Variants in ZNF875 observed in about 807,000 individuals in gnomAD.
ZNF875 encodes zinc finger protein 875.
A neutral mutation model predicts 11.2 loss-of-function variants in ZNF875; 14 were observed. The observed-to-expected ratio is 1.26, with a 90% CI of 0.83 to 1.96. ZNF875 has a LOEUF of 1.96. ZNF875 is among the 30% of genes most tolerant of loss of function. The probability of loss-of-function intolerance (pLI) is 0.00; values close to 1 mark genes in which losing one functional copy is unlikely to be tolerated. For synonymous variants in ZNF875, 301 were observed against 281.1 expected (o/e 1.07, Z -0.71); for missense variants, 752 against 760.4 (o/e 0.99, Z 0.13).
intron 1 of ZNF875, among the ~76,000 whole-genome samples, chr19:37,319,025 T>G (rs1305316034): frequency 1.3e-5 from 2 of 151,844 alleles, no homozygotes; most frequent in Non-Finnish European, 2.9e-5. Flanking sequence ...GGATTTCCTT[T>G]ATGAACTATA....
Position 37,347,860 on chromosome 19 carries a change from G to C in ZNF875, c.244G>C (p.Asp82His). Residue 82 changes from aspartate to histidine, a missense_variant, in exon 4 of 5, where the codon GAC (aspartate) becomes CAC (histidine). By Grantham distance (81) the Asp-to-His change is moderately conservative (BLOSUM62 -1). Coordinates refer to ENST00000392153, the MANE Select transcript of ZNF875 (RefSeq NM_001353803.2). Reference protein sequence around the residue: ...PWREERKCPLDLCPESKPEIQ... With the variant: ...PWREERKCPLHLCPESKPEIQ... ...GAGAGAGGAGAGAAAATGTCCACTG[G>C]ACCTCTGTCCAGGTGAGTGTTGAGT... The C allele has an allele frequency of 6.2e-7, 1 of 1,600,112 alleles. No individual in the cohort carries two copies. Among genetic ancestry groups the C allele is most frequent in the Non-Finnish European group, 8.6e-7 (1 of 1,167,254 alleles).
intron 4 of ZNF875, chr19:37,324,693 A>G (rs1362007353): frequency 6.6e-6 from 1 of 152,522 alleles, no homozygotes; most frequent in Non-Finnish European, 1.5e-5. Flanking sequence ...CAGTTACCCT[A>G]ATTCCAAACG....
At chr19:37,337,112 TCAGA>T (rs2034631364) in intron 2 of ZNF875, 1 of 152,122 alleles carries the variant, frequency 6.6e-6, no homozygotes, top group South Asian at 2.1e-4. Flanking sequence ...TTCTTTGGTG[TCAGA>T]CAATTTGAGC....
At chr19:37,325,718 T>G (rs2032322020) in intron 4 of ZNF875, among the ~76,000 whole-genome samples, 1 of 151,922 alleles carries the variant, frequency 6.6e-6, no homozygotes. Context: ...GCTAATTTTT[T>G]TTTTTTAAAG....
intron 2 of ZNF875, 85 bp downstream of exon 2, chr19:37,335,342 A>G (rs1366726005): frequency 1.6e-6 from 1 of 633,332 alleles, no homozygotes; most frequent in East Asian, 2.8e-5. Flanking sequence ...CCTTGTTGGT[A>G]TTGGGCAAAG....
chr19:37,333,687 A>G (rs1179735977), upstream of ZNF875, among the ~76,000 whole-genome samples: 4 of 152,058 alleles, frequency 2.6e-5, no homozygotes, highest in Admixed American at 6.6e-5. Context: ...CAATTCAACA[A>G]TTGTCCTAAG....
upstream of ZNF875, among the ~76,000 whole-genome samples, chr19:37,316,084 T>TAACCTTTCTG (rs2030170083): frequency 6.6e-6 from 1 of 152,194 alleles, no homozygotes; most frequent in Non-Finnish European, 1.5e-5. Flanking sequence ...TAGTGGAAAC[T>TAACCTTTCTG]GTTCTGGTTG....
chr19:37,362,864 TATGTGTGCAAGGA>T lies in ZNF875; in HGVS notation c.1018_1030del (p.Cys340GlyfsTer6), dbSNP rs1568669368. 1 of 1,614,026 alleles carries T rather than the reference TATGTGTGCAAGGA, an allele frequency of 6.2e-7. No homozygotes were observed. Among genetic ancestry groups the T allele is most frequent in the Non-Finnish European group, 8.5e-7 (1 of 1,180,040 alleles). On this transcript the variant is annotated frameshift_variant, in exon 5 of 5. Coordinates refer to ENST00000392153, the MANE Select transcript of ZNF875 (RefSeq NM_001353803.2). LOFTEE classifies it low-confidence loss of function (END_TRUNC). ...GCGGACACACTCAGGGCTCAAGCCT[TATGTGTGCAAGGA>T]ATGTGGGCAGAGCTTTAGCCTGAAG...
chr19:37,321,163 G>A (rs867617437), intron 1 of ZNF875, among the ~76,000 whole-genome samples: 55 of 152,202 alleles, frequency 3.6e-4, no homozygotes, highest in Middle Eastern at 3.4e-3. Flanking sequence ...ATATGGCCCC[G>A]TGGGAAGGAA....
chr19:37,314,287 A>T (rs570276265), upstream of ZNF875, among the ~76,000 whole-genome samples: 13 of 151,698 alleles, frequency 8.6e-5, no homozygotes, highest in Non-Finnish European at 1.0e-4. Flanking sequence ...AATTATTATT[A>T]TTTTTTTTAT....
chr19:37,357,849 A>G (rs1384706108), intron 4 of ZNF875: 4 of 396,770 alleles, frequency 1.0e-5, no homozygotes, highest in African/African-American at 2.1e-5. Flanking sequence ...CTCTTTTCCT[A>G]TTTGGATGCC....
chr19:37,344,890 C>T (rs566183834), intron 2 of ZNF875: 3 of 724,978 alleles, frequency 4.1e-6, no homozygotes, highest in Non-Finnish European at 7.6e-6. Flanking sequence ...AAGCAAATCA[C>T]AACAGGGACT....
chr19:37,329,410 G>A (rs1413519609), intron 4 of ZNF875, among the ~76,000 whole-genome samples: 1 of 152,136 alleles, frequency 6.6e-6, no homozygotes, highest in Non-Finnish European at 1.5e-5. Context: ...TGCTGTGTGC[G>A]TGTTCTGAAG....
At chr19:37,355,557 C>G (rs1056186283) in intron 4 of ZNF875, among the ~76,000 whole-genome samples, 3 of 152,158 alleles carry the variant, frequency 2.0e-5, no homozygotes, top group African/African-American at 4.8e-5. Flanking sequence ...GTGTGGTTAT[C>G]AGCCTCAGTA....
upstream of ZNF875, among the ~76,000 whole-genome samples, chr19:37,316,015 C>A (rs1024975807): frequency 6.6e-6 from 1 of 152,154 alleles, no homozygotes; most frequent in Non-Finnish European, 1.5e-5. Flanking sequence ...ACTCAGGCAC[C>A]AGTTTCTCCA....
chr19:37,338,762 G>A (rs1282426173), intron 2 of ZNF875, among the ~76,000 whole-genome samples: 1 of 152,170 alleles, frequency 6.6e-6, no homozygotes, highest in Non-Finnish European at 1.5e-5. Context: ...AAGTAACAAA[G>A]GAGTTTCTGT....
chr19:37,354,729 T>C (rs2146486255), intron 4 of ZNF875, among the ~76,000 whole-genome samples: 1 of 152,286 alleles, frequency 6.6e-6, no homozygotes, highest in African/African-American at 2.4e-5. Flanking sequence ...ATCTCTGCCC[T>C]CTCGAATGGC....
rs1488352818 is a variant in ZNF875 at position 37,362,566 on chromosome 19, G to A, written c.714G>A (p.Glu238=). Residue 238 remains glutamate, a synonymous_variant, in exon 5 of 5, where the codon GAG becomes GAA. Coordinates refer to ENST00000392153, the MANE Select transcript of ZNF875 (RefSeq NM_001353803.2). ...AGTTTGGGCCAGGCTTTATCAAGGA[G>A]TCAAACCTCCTTAGCCTCCAGAAGA... ...YEEFGPGFIK[E]SNLLSLQKTQ... The A allele has an allele frequency of 1.2e-6, 2 of 1,614,086 alleles. No individual in the cohort carries two copies. The highest frequency in any genetic ancestry group is 1.7e-6 in the Non-Finnish European group (2 of 1,180,060).
chr19:37,328,984 G>A (rs1217548379), intron 4 of ZNF875: 1 of 152,194 alleles, frequency 6.6e-6, no homozygotes, highest in Admixed American at 6.5e-5. Flanking sequence ...TGGAAATACA[G>A]ATTCACAGGC....
Sources: gnomAD v4.1 joint callset for allele counts (sites outside exome capture counted in the v4.1 genomes callset) on GRCh38, gnomAD v4.1.1 for gene constraint, MANE v1.5 for transcripts, NCBI Gene and HGNC (gene_info 2026-07-23, HGNC 2026-07-21) for gene names.